TAF4: variants seen among roughly 807,000 people sequenced by gnomAD.
TAF4 encodes TATA-box binding protein associated factor 4, also known as transcription initiation factor TFIID subunit 4.
Under a neutral mutation model 90.3 loss-of-function variants are expected in TAF4, and 9 were observed. That is an observed-to-expected ratio of 0.10 (90% CI 0.06 to 0.17). TAF4 has a LOEUF of 0.17. Ranked by LOEUF, TAF4 falls within the 10% of genes least tolerant of loss-of-function variation. The pLI, the probability that TAF4 is intolerant of heterozygous loss-of-function variation, is 1.00. For missense variants in TAF4, 1,351 were observed against 1,370.7 expected (o/e 0.99, Z 0.23); for synonymous variants, 818 against 638.9 (o/e 1.28, Z -4.23).
intron 1 of TAF4, among the ~76,000 whole-genome samples, chr20:62,052,874 C>T (rs1279343270): frequency 6.6e-6 from 1 of 151,366 alleles, no homozygotes; most frequent in South Asian, 2.1e-4. Context: ...TCCCCCACAC[C>T]CCAGGTCCCT....
chr20:61,985,422 A>G (rs1019144779), intron 14 of TAF4, among the ~76,000 whole-genome samples: 1 of 152,080 alleles, frequency 6.6e-6, no homozygotes, highest in Non-Finnish European at 1.5e-5. Context: ...CTAAAAACAA[A>G]TAATAAAAAT....
chr20:61,981,985 C>T (rs202097142), intron 14 of TAF4, among the ~76,000 whole-genome samples: 4 of 121,828 alleles, frequency 3.3e-5, no homozygotes, highest in Admixed American at 8.3e-5. Context: ...CACACCCACC[C>T]GAGAGGAGAC....
intron 1 of TAF4, chr20:62,064,205 A>T: frequency 2.5e-6 from 1 of 404,640 alleles, no homozygotes; most frequent in Non-Finnish European, 4.3e-6. Flanking sequence ...AGCCCCAGGC[A>T]CAGGCAGCCA....
intron 3 of TAF4, among the ~76,000 whole-genome samples, chr20:62,011,668 G>C (rs1014706343): frequency 6.6e-6 from 1 of 152,174 alleles, no homozygotes; most frequent in Non-Finnish European, 1.5e-5. Flanking sequence ...GGGTTGCGGG[G>C]GGAGCTGCCC....
At chr20:61,993,566 G>A (rs541784966) in intron 14 of TAF4, among the ~76,000 whole-genome samples, 3 of 152,288 alleles carry the variant, frequency 2.0e-5, no homozygotes, top group East Asian at 1.9e-4. Context: ...GGGAAAGGAC[G>A]GCAAGGCTAA....
chr20:61,990,970 C>T (rs766951923), intron 14 of TAF4, among the ~76,000 whole-genome samples: 20 of 152,102 alleles, frequency 1.3e-4, no homozygotes, highest in Non-Finnish European at 2.9e-4. Flanking sequence ...CCCAGACAGG[C>T]TCCCATGAGA....
rs2056115494 is a variant in TAF4 at position 62,064,874 on chromosome 20, G to A, written c.937C>T (p.Pro313Ser). 3 of 919,842 alleles carry A rather than the reference G, an allele frequency of 3.3e-6. No individual in the cohort carries two copies. Among genetic ancestry groups the A allele is most frequent in the South Asian group, 4.9e-5 (1 of 20,318 alleles). The allele number at this position is 919,842 out of a possible 1,614,324, so 57.0% of individuals were successfully genotyped here. Residue 313 changes from proline to serine, a missense_variant, in exon 1 of 15, where the codon CCC becomes TCC. Physicochemically the swap from Pro to Ser is moderately conservative, Grantham distance 74. Around this residue, in one of 9 missense-constraint regions of TAF4, gnomAD observed 782 missense variants for 536.6 expected, o/e 1.46. Coordinates refer to ENST00000252996, the MANE Select transcript of TAF4 (RefSeq NM_003185.4). ...AQNGGSAGAAPAPAPAAGGPA... is the reference protein window; with the variant it reads ...AQNGGSAGAASAPAPAAGGPA... ...CCCCCGGCGGCCGGGGCGGGGGCGGGGGCTGCCCCGGCGCTGCCCCCGTTC... is the reference window on the plus strand; with the variant it reads ...CCCCCGGCGGCCGGGGCGGGGGCGGAGGCTGCCCCGGCGCTGCCCCCGTTC...
chr20:62,003,546 A>C (rs1439841371), intron 8 of TAF4, among the ~76,000 whole-genome samples, 185 bp downstream of exon 8: 1 of 152,274 alleles, frequency 6.6e-6, no homozygotes, highest in African/African-American at 2.4e-5. Context: ...TAAAATTAAA[A>C]ATCATACTGA....
intron 14 of TAF4, among the ~76,000 whole-genome samples, chr20:61,987,077 TCAGCAG>T (rs530735839): frequency 6.6e-6 from 1 of 151,948 alleles, no homozygotes; most frequent in Non-Finnish European, 1.5e-5. Context: ...AGCTTCAAAG[TCAGCAG>T]CAGCAGCAGC....
intron 7 of TAF4, 48 bp from the exon 8 acceptor site, chr20:62,003,926 G>C (rs763461534): frequency 6.6e-7 from 1 of 1,504,928 alleles, no homozygotes; most frequent in Non-Finnish European, 8.8e-7. Context: ...CCGAGGGCCA[G>C]GGGCCACTCA....
chr20:61,980,315 G>A (rs905370578), intron 14 of TAF4: 9 of 152,256 alleles, frequency 5.9e-5, no homozygotes, highest in Admixed American at 2.0e-4. Context: ...GGCCCCACAC[G>A]GTCAGCACCT....
intron 1 of TAF4, among the ~76,000 whole-genome samples, chr20:62,060,718 A>C (rs989949012): frequency 1.3e-5 from 2 of 152,220 alleles, no homozygotes; most frequent in Non-Finnish European, 2.9e-5. Flanking sequence ...CCTCTAGCCT[A>C]AAGTGAGCCC....
At chr20:62,036,204 T>C (rs1316696597) in intron 1 of TAF4, among the ~76,000 whole-genome samples, 1 of 152,172 alleles carries the variant, frequency 6.6e-6, no homozygotes, top group Admixed American at 6.5e-5. Context: ...TTTGTATTTT[T>C]AGTAGAGATG....
intron 1 of TAF4, among the ~76,000 whole-genome samples, chr20:62,046,916 C>G (rs1396698757): frequency 1.3e-5 from 2 of 152,132 alleles, no homozygotes; most frequent in Non-Finnish European, 2.9e-5. Flanking sequence ...CGTTGTTTGT[C>G]GTCTTGTTAT....
At chr20:61,977,510 C>G (rs115485772) in intron 14 of TAF4, among the ~76,000 whole-genome samples, 2,236 of 152,232 alleles carry the variant, frequency 0.015, 57 homozygotes, top group African/African-American at 0.051. Context: ...CGTCCTTCCT[C>G]CCCCCTTCCC....
At chr20:62,037,762 A>AC (rs2055941149) in intron 1 of TAF4, 1 of 212,478 alleles carries the variant, frequency 4.7e-6, no homozygotes, top group South Asian at 8.1e-5. Flanking sequence ...TGCCAGCTCC[A>AC]CCCCTGCCAA....
At chr20:62,003,999 T>C in intron 7 of TAF4, 121 bp from the exon 8 acceptor site, 2 of 1,257,882 alleles carry the variant, frequency 1.6e-6, no homozygotes, top group Non-Finnish European at 1.1e-6. Context: ...TAAGAAGTCC[T>C]AGGAAGACCC....
chr20:62,051,573 G>A (rs1471131021), intron 1 of TAF4, among the ~76,000 whole-genome samples: 1 of 152,006 alleles, frequency 6.6e-6, no homozygotes, highest in Non-Finnish European at 1.5e-5. Flanking sequence ...ACACAGGGCT[G>A]GGCCTGTCCC....
Position 62,065,605 on chromosome 20 carries a change from C to T in TAF4, c.206G>A (p.Gly69Glu). ...GGCGGCCGGCCCTGCGCCCGCGGCT[C>T]CGGCCGGGCTGCCGCTCACAACATG... ...GNHVVSGSPA[G>E]AAGAGPAAPA... The change falls in exon 1 of 15, where the codon GGA becomes GAA. Residue 69 changes from glycine (G) to glutamate (E), a missense_variant. This residue lies in a region of TAF4 where 782 missense variants were observed against 536.6 expected (regional missense o/e 1.46). Coordinates refer to ENST00000252996, the MANE Select transcript of TAF4 (RefSeq NM_003185.4). The T allele has an allele frequency of 5.0e-6, 5 of 994,454 alleles. No individual in the cohort carries two copies. Among genetic ancestry groups the T allele is most frequent in the Non-Finnish European group, 6.0e-6 (5 of 838,302 alleles). The allele number at this position is 994,454 out of a possible 1,614,324, so 61.6% of individuals were successfully genotyped here.
Sources: allele counts gnomAD v4.1 joint callset (sites outside exome capture counted in the v4.1 genomes callset), GRCh38; gene constraint gnomAD v4.1.1; regional missense constraint gnomAD v4.1.1; transcripts MANE v1.5; gene names NCBI Gene and HGNC (gene_info 2026-07-23, HGNC 2026-07-21).